NHSL1: variants seen among roughly 807,000 people sequenced by gnomAD.
NHSL1 encodes NHS-like protein 1.
NHSL1 carries 48 observed loss-of-function variants against 95.0 expected under a neutral mutation model. That is an observed-to-expected ratio of 0.51 (90% CI 0.40 to 0.64). The LOEUF (loss-of-function observed/expected upper bound fraction) is 0.64. Among genes scored for constraint, NHSL1 ranks in the 30% least tolerant of loss-of-function variants. The pLI is 0.00. For missense variants in NHSL1, 1,971 were observed against 2,077.7 expected (o/e 0.95, Z 1.00); for synonymous variants, 783 against 833.9 (o/e 0.94, Z 1.05).
Position 138,603,742 on chromosome 6 carries a change from G to A in NHSL1, c.96+88734C>T, listed in dbSNP as rs962937705. Among the ~76,000 whole-genome samples the A allele has an allele frequency of 2.0e-5, 3 of 152,150 alleles. No individual in the cohort carries two copies. In the East Asian group the frequency reaches 5.8e-4, roughly 29 times the overall value. The stretch of plus-strand genomic sequence containing the variant: ...ATCCCTTTAAAACAGAAGCATGTCA[G>A]GTACACTAAATGCTACCAAGGAAAA... On this transcript the variant is annotated intron_variant, in intron 1 of 3. Transcript: ENST00000491526.
At chr6:138,648,295 A>G (rs1463105513) in intron 1 of NHSL1, among the ~76,000 whole-genome samples, 1 of 151,988 alleles carries the variant, frequency 6.6e-6, no homozygotes, top group Admixed American at 6.6e-5. Flanking sequence ...GAAAACAGCT[A>G]TAGACAATCA....
intron 2 of NHSL1, among the ~76,000 whole-genome samples, chr6:138,489,726 C>T (rs1779915552): frequency 7.3e-6 from 1 of 137,624 alleles, no homozygotes; most frequent in Non-Finnish European, 1.5e-5. Flanking sequence ...CACATTGCTG[C>T]ACTCTAGCCT....
chr6:138,478,096 C>T (rs538636743), intron 2 of NHSL1, among the ~76,000 whole-genome samples: 1 of 131,900 alleles, frequency 7.6e-6, no homozygotes, highest in African/African-American at 2.9e-5. Flanking sequence ...ATGGTGCAAC[C>T]TCTGCCTCCC....
At chr6:138,486,433 G>T (rs140012366) in intron 2 of NHSL1, among the ~76,000 whole-genome samples, 1 of 152,008 alleles carries the variant, frequency 6.6e-6, no homozygotes, top group African/African-American at 2.4e-5. Flanking sequence ...CCTAACAACC[G>T]ATTCAATAGC....
At position 138,660,952 on chromosome 6, in the gene NHSL1, C is replaced by T. The variant is rs571195147; in HGVS notation, c.96+31524G>A. Among the ~76,000 whole-genome samples, 6 of 152,252 alleles carry T rather than the reference C, an allele frequency of 3.9e-5. No homozygotes were observed. In the South Asian group the frequency reaches 1.2e-3, roughly 32 times the overall value. On this transcript the variant is annotated intron_variant, in intron 1 of 3. Coordinates refer to the NHSL1 transcript ENST00000491526. Reference sequence around the variant, plus strand: ...ACTAAAACTACAAAAATTAGCTGGGCGTGGTGGCGCACGCCTGTAGTCCCA... The same window carrying T: ...ACTAAAACTACAAAAATTAGCTGGGTGTGGTGGCGCACGCCTGTAGTCCCA...
At chr6:138,553,894 G>T (rs1469594325) in intron 1 of NHSL1, among the ~76,000 whole-genome samples, 5 of 152,142 alleles carry the variant, frequency 3.3e-5, no homozygotes, top group Admixed American at 2.0e-4. Context: ...AACTCAGAAA[G>T]CAGTTTTTCC....
At chr6:138,609,061 A>G (rs1205525289) in intron 1 of NHSL1, among the ~76,000 whole-genome samples, 1 of 152,226 alleles carries the variant, frequency 6.6e-6, no homozygotes, top group Non-Finnish European at 1.5e-5. Context: ...AATAATGCCT[A>G]TGTAAAGGGT....
chr6:138,441,535 C>A (rs1354383209), intron 5 of NHSL1, among the ~76,000 whole-genome samples: 1 of 152,150 alleles, frequency 6.6e-6, no homozygotes, highest in East Asian at 1.9e-4. Flanking sequence ...CCAATAATCC[C>A]AGACTGTTGT....
chr6:138,430,940 T>C lies in NHSL1; in HGVS notation c.3405A>G (p.Thr1135=), dbSNP rs1329529606. 1 of 1,551,678 alleles carries C rather than the reference T, an allele frequency of 6.4e-7. No homozygotes were observed. Among genetic ancestry groups the C allele is most frequent in the Admixed American group, 2.0e-5 (1 of 51,002 alleles). ...TCTTGGCAGGCGTCGGAAGCGAGCT[T>C]GTCACAGAGGCAGGCTGGCTTTCAC... is the stretch of plus-strand genomic sequence containing the variant. ...MESESQPASV[T]SSLPTPAKSS... Residue 1135 remains threonine (T), a synonymous_variant, in exon 6 of 8, where the codon ACA becomes ACG. Transcript: ENST00000343505. The surrounding 1 kb of genome is among the most constrained non-coding windows in gnomAD (Gnocchi z 4.7).
chr6:138,497,063 T>G (rs1172464892), intron 1 of NHSL1, among the ~76,000 whole-genome samples: 1 of 152,116 alleles, frequency 6.6e-6, no homozygotes, highest in African/African-American at 2.4e-5. Context: ...AACTAAATTT[T>G]CCCAGCACAG....
intron 1 of NHSL1, among the ~76,000 whole-genome samples, chr6:138,633,913 A>G (rs1391523236): frequency 2.0e-5 from 3 of 152,208 alleles, no homozygotes; most frequent in Non-Finnish European, 4.4e-5. Flanking sequence ...TAGAAACAAC[A>G]AACAGTTAAA....
intron 1 of NHSL1, among the ~76,000 whole-genome samples, chr6:138,647,892 C>T (rs572110369): frequency 3.4e-4 from 52 of 152,288 alleles, no homozygotes; most frequent in African/African-American, 1.2e-3. Context: ...AGCCACTGCA[C>T]CGGTGTCTAA....
At chr6:138,511,943 G>T (rs1423924193) in intron 1 of NHSL1, among the ~76,000 whole-genome samples, 2 of 152,116 alleles carry the variant, frequency 1.3e-5, no homozygotes, top group Admixed American at 6.5e-5. Context: ...AATAAACAGG[G>T]TCTTCCAATG....
At chr6:138,550,376 C>T (rs1782956901), upstream of NHSL1, among the ~76,000 whole-genome samples, 2 of 152,106 alleles carry the variant, frequency 1.3e-5, no homozygotes, top group African/African-American at 4.8e-5. Flanking sequence ...TGTCTGACAC[C>T]ATTGATCATT....
chr6:138,559,451 G>A (rs9495130), intron 1 of NHSL1, among the ~76,000 whole-genome samples: 1 of 152,154 alleles, frequency 6.6e-6, no homozygotes, highest in Non-Finnish European at 1.5e-5. Flanking sequence ...GCGCAGAGGG[G>A]AACTCAGAAA....
intron 1 of NHSL1, among the ~76,000 whole-genome samples, chr6:138,620,024 C>T (rs1443425792): frequency 6.7e-6 from 1 of 150,346 alleles, no homozygotes; most frequent in Non-Finnish European, 1.5e-5. Flanking sequence ...ACAACCATAA[C>T]CTAATAATCA....
At chr6:138,437,355 T>TAC (rs376803505) in intron 5 of NHSL1, among the ~76,000 whole-genome samples, 11 of 28,900 alleles carry the variant, frequency 3.8e-4, no homozygotes, top group African/African-American at 4.6e-4. Flanking sequence ...CATATATATA[T>TAC]ACACATATAT....
At chr6:138,530,880 C>T (rs1410006824) in intron 1 of NHSL1, among the ~76,000 whole-genome samples, 2 of 152,104 alleles carry the variant, frequency 1.3e-5, no homozygotes, top group Non-Finnish European at 2.9e-5. Flanking sequence ...GTGGCAAGTG[C>T]ACCAAAATCT....
intron 1 of NHSL1, among the ~76,000 whole-genome samples, chr6:138,588,228 C>T (rs1369604184): frequency 1.3e-5 from 2 of 152,282 alleles, no homozygotes; most frequent in South Asian, 4.2e-4. Context: ...TTTGGGAAGC[C>T]CAGGCGGGCA....
Sources: gnomAD v4.1 joint callset for allele counts (sites outside exome capture counted in the v4.1 genomes callset) on GRCh38, gnomAD v4.1.1 for gene constraint, Gnocchi (gnomAD v3.1) non-coding constraint, MANE v1.5 for transcripts, NCBI Gene and HGNC (gene_info 2026-07-23, HGNC 2026-07-21) for gene names.